The following CATSPERG variants were observed in gnomAD, a reference collection of about 807,000 sequenced individuals.
The protein encoded by CATSPERG is catsper channel auxiliary subunit gamma.
CATSPERG carries 115 observed loss-of-function variants against 145.0 expected under a neutral mutation model. The ratio of observed to expected loss-of-function variants is 0.79; its 90% CI spans 0.68 to 0.93. The LOEUF is 0.93. Ranked by LOEUF, CATSPERG falls within the 40% of genes least tolerant of loss-of-function variation. The pLI is 0.00. For synonymous variants in CATSPERG, 588 were observed against 589.0 expected, an observed-to-expected ratio of 1.00 and a Z score of 0.02; for missense variants, 1,296 against 1,490.1, an observed-to-expected ratio of 0.87 and a Z score of 2.14.
intron 7 of CATSPERG, among the ~76,000 whole-genome samples, chr19:38,351,621 A>G (rs1970142510): frequency 6.7e-6 from 1 of 150,156 alleles, no homozygotes; most frequent in Admixed American, 6.7e-5. Flanking sequence ...AAAAAAAAAA[A>G]ATTAGCTGGG....
intron 9 of CATSPERG, among the ~76,000 whole-genome samples, chr19:38,355,110 T>G (rs1274952182): frequency 6.6e-6 from 1 of 151,896 alleles, no homozygotes. Flanking sequence ...TTTGGGAGGC[T>G]GAGGCAGGCG....
chr19:38,341,675 G>T (rs1969940520), intron 3 of CATSPERG, among the ~76,000 whole-genome samples: 1 of 152,196 alleles, frequency 6.6e-6, no homozygotes, highest in African/African-American at 2.4e-5. Context: ...GCCAGGGCAG[G>T]TGGATCACCT....
chr19:38,360,659 A>G lies in CATSPERG; in HGVS notation c.1767+12A>G, dbSNP rs2145099134. 1 of 1,614,136 alleles carries G rather than the reference A, an allele frequency of 6.2e-7. No individual in the cohort carries two copies. The highest frequency in any genetic ancestry group is 8.5e-7 in the Non-Finnish European group (1 of 1,180,002). ...GCAAACTGTACCAGGTGCCCGGTGG[A>G]GCTATGCGGGGACATCGGGGCACCC... On this transcript the variant is annotated intron_variant, in intron 15 of 28. Transcript: ENST00000409235.
rs1970535827 is a variant in CATSPERG, at chr19:38,370,875, C to G, written c.*83C>G. 1 of 1,445,046 alleles carries G rather than the reference C, an allele frequency of 6.9e-7. No individual in the cohort carries two copies. The highest frequency in any genetic ancestry group is 9.5e-7 in the Non-Finnish European group (1 of 1,049,788). 89.5% of individuals were successfully genotyped at this position (1,445,046 alleles called of 1,614,324 possible). A position where few individuals can be genotyped will look rare whatever the true frequency, so the allele number is the denominator to read the frequency against. ...TGAAGATGCAACCTGTCACCCAGCC[C>G]AGGCCTCTCTTTCTGTTTTGCTTGA... On this transcript the variant is annotated 3_prime_UTR_variant, in exon 29 of 29. Transcript: ENST00000409235.
At chr19:38,366,003 C>T (rs1331259029) in intron 22 of CATSPERG, 1 of 152,316 alleles carries the variant, frequency 6.6e-6, no homozygotes, top group Admixed American at 6.5e-5. Flanking sequence ...GCCACCGTGC[C>T]CGACCTAGGG....
chr19:38,358,365 G>A (rs1970283950), intron 12 of CATSPERG, 37 bp downstream of exon 12: 1 of 1,613,926 alleles, frequency 6.2e-7, no homozygotes, highest in Non-Finnish European at 8.5e-7. Context: ...CAGGGTGGCT[G>A]TGGGCCAGGA....
At chr19:38,358,041 C>G in intron 11 of CATSPERG, 2 of 518,602 alleles carry the variant, frequency 3.9e-6, no homozygotes, top group Non-Finnish European at 3.5e-6. Context: ...TCACTTGAAC[C>G]GAGGAGGCAG....
chr19:38,362,001 G>GGGGGGGGGGGGGGGTTA, intron 17 of CATSPERG, 140 bp downstream of exon 17: 1 of 810,720 alleles, frequency 1.2e-6, no homozygotes, highest in Non-Finnish European at 1.9e-6. Context: ...GGACCTGGGG[G>GGGGGGGGGGGGGGGTTA]CGGGGCCTGG....
At position 38,367,227 on chromosome 19, in the gene CATSPERG, G is replaced by A. The variant is rs561919443; in HGVS notation, c.2685G>A (p.Thr895=). The change falls in exon 23 of 29, where the codon ACG becomes ACA. Residue 895 remains threonine (T), a synonymous_variant. Coordinates refer to ENST00000409235, the MANE Select transcript of CATSPERG (RefSeq NM_021185.5). ...GKRLAFDITY[T]LEYSRLKNKH... The stretch of plus-strand genomic sequence containing the variant: ...GCCTGGCCTTCGACATCACCTACAC[G>A]CTGGAATACAGCCGCCTGAAGAACA... 40 of 1,613,822 alleles carry A rather than the reference G, an allele frequency of 2.5e-5. 2 individuals carry two copies. The South Asian group carries it at 3.5e-4, about 14-fold the overall frequency.
intron 7 of CATSPERG, among the ~76,000 whole-genome samples, chr19:38,350,817 C>T (rs1490416375): frequency 2.6e-5 from 4 of 151,848 alleles, no homozygotes; most frequent in Admixed American, 2.0e-4. Context: ...GGTGAAACCC[C>T]GTCTCTACTA....
chr19:38,362,652 C>T, intron 19 of CATSPERG, 62 bp from the exon 20 acceptor site: 1 of 1,604,216 alleles, frequency 6.2e-7, no homozygotes, highest in South Asian at 1.1e-5. Flanking sequence ...GGCGGGGACA[C>T]CATCGGAGGG....
rs1352475011 is a variant in CATSPERG, at chr19:38,352,370, A to T, written c.935A>T (p.Asn312Ile). The change falls in exon 8 of 29, where the codon AAC (asparagine) becomes ATC (isoleucine). Residue 312 changes from asparagine (N) to isoleucine (I), a missense_variant. By Grantham distance (149) the Asn-to-Ile change is moderately radical. Coordinates refer to ENST00000409235, the MANE Select transcript of CATSPERG (RefSeq NM_021185.5). ...GAGAGCACCCTCTTCATTCGGCAGA[A>T]CCAGCTGGTCTACTATTTTACAGGC... ...ATESTLFIRQNQLVYYFTGTY... is the reference protein window; with the variant it reads ...ATESTLFIRQIQLVYYFTGTY... The T allele has an allele frequency of 1.7e-5, 27 of 1,551,628 alleles. No homozygotes were observed. Among genetic ancestry groups the T allele is most frequent in the Non-Finnish European group, 2.3e-5 (26 of 1,147,090 alleles).
rs1312909310 is a variant in CATSPERG, at chr19:38,370,553, G to C, written c.3241G>C (p.Val1081Leu). The C allele has an allele frequency of 6.2e-7, 1 of 1,614,134 alleles. No homozygotes were observed. The highest frequency in any genetic ancestry group is 2.2e-5 in the East Asian group (1 of 44,878). Reference sequence around the variant, plus strand: ...GTCAGCTAGCGTGTTTGTGGGCCTGGTGATCTTCTACATCGCCTTCTGCCT... The same window carrying C: ...GTCAGCTAGCGTGTTTGTGGGCCTGCTGATCTTCTACATCGCCTTCTGCCT... ...MVSASVFVGL[V>L]IFYIAFCLLW... Residue 1081 changes from valine to leucine, a missense_variant, in exon 29 of 29, where the codon GTG becomes CTG. Val to Leu is a conservative substitution (Grantham distance 32). Transcript: ENST00000409235.
At chr19:38,338,140 T>C (rs1237994736) in intron 3 of CATSPERG, among the ~76,000 whole-genome samples, 1 of 147,618 alleles carries the variant, frequency 6.8e-6, no homozygotes, top group African/African-American at 2.4e-5. Flanking sequence ...GCTTTTTTGT[T>C]CCATGTTTTT....
At chr19:38,362,293 GCC>G (rs957609303) in intron 18 of CATSPERG, 21 bp downstream of exon 18, 3 of 1,613,568 alleles carry the variant, frequency 1.9e-6, no homozygotes, top group Non-Finnish European at 2.5e-6. Context: ...CGGATTGGGA[GCC>G]GGGAAAGGGG....
intron 3 of CATSPERG, among the ~76,000 whole-genome samples, chr19:38,338,073 G>C (rs1321740152): frequency 6.6e-6 from 1 of 152,086 alleles, no homozygotes; most frequent in African/African-American, 2.4e-5. Flanking sequence ...GATTCAAGAA[G>C]GCTGTCTGTG....
chr19:38,352,793 G>A (rs1029392354), intron 8 of CATSPERG, among the ~76,000 whole-genome samples: 18 of 151,274 alleles, frequency 1.2e-4, no homozygotes, highest in Admixed American at 1.3e-4. Flanking sequence ...GAGGGAGAGG[G>A]GCATGGCAAA....
chr19:38,357,671 G>C (rs949597358), intron 11 of CATSPERG, among the ~76,000 whole-genome samples: 1 of 152,112 alleles, frequency 6.6e-6, no homozygotes, highest in African/African-American at 2.4e-5. Flanking sequence ...ACAAAAATTG[G>C]CCGGGCACGG....
chr19:38,359,839 C>A, intron 14 of CATSPERG: 1 of 1,216,126 alleles, frequency 8.2e-7, no homozygotes, highest in Non-Finnish European at 1.0e-6. Context: ...TCGTTCACTT[C>A]ATAAATATTG....
Sources: gnomAD v4.1 joint callset for allele counts (sites outside exome capture counted in the v4.1 genomes callset) on GRCh38, gnomAD v4.1.1 for gene constraint, MANE v1.5 for transcripts, NCBI Gene and HGNC (gene_info 2026-07-23, HGNC 2026-07-21) for gene names.